The following SPAG16 variants were observed in gnomAD, a reference collection of about 807,000 sequenced individuals.
SPAG16 encodes the protein sperm associated antigen 16.
A neutral mutation model predicts 80.4 loss-of-function variants in SPAG16; 86 were observed. The observed-to-expected ratio is 1.07, with a 90% CI of 0.90 to 1.28. The LOEUF is 1.28. Ranked by LOEUF, SPAG16 falls within the 50% of genes most tolerant of loss-of-function variation. SPAG16 has a pLI of 0.00. For synonymous variants in SPAG16, 294 were observed against 265.9 expected (o/e 1.11, Z -1.03); for missense variants, 870 against 765.3 (o/e 1.14, Z -1.61).
intron 13 of SPAG16, among the ~76,000 whole-genome samples, chr2:214,092,446 T>C (rs2052278342): frequency 6.6e-6 from 1 of 151,668 alleles, no homozygotes; most frequent in African/African-American, 2.4e-5. Flanking sequence ...CATTTATATT[T>C]CCTTTTATGT....
chr2:214,398,481 A>G (rs1269880528), intron 15 of SPAG16, among the ~76,000 whole-genome samples: 1 of 152,216 alleles, frequency 6.6e-6, no homozygotes, highest in Non-Finnish European at 1.5e-5. Flanking sequence ...AGTACTCATC[A>G]GTGCCCTTGA....
At chr2:213,388,368 C>T (rs1158562664) in intron 9 of SPAG16, among the ~76,000 whole-genome samples, 1 of 152,222 alleles carries the variant, frequency 6.6e-6, no homozygotes, top group African/African-American at 2.4e-5. Flanking sequence ...AGGGCCAAGT[C>T]TCCTTTTCCC....
chr2:214,156,289 TA>T (rs2056211924), intron 15 of SPAG16, among the ~76,000 whole-genome samples: 1 of 152,158 alleles, frequency 6.6e-6, no homozygotes, highest in African/African-American at 2.4e-5. Context: ...CACTGCAGTG[TA>T]AATTCCTATT....
At chr2:214,381,174 G>T in intron 15 of SPAG16, among the ~76,000 whole-genome samples, 1 of 152,204 alleles carries the variant, frequency 6.6e-6, no homozygotes, top group East Asian at 1.9e-4. Flanking sequence ...CTTGTACAGA[G>T]AACAGTTCAA....
intron 12 of SPAG16, among the ~76,000 whole-genome samples, chr2:213,930,497 C>T (rs914463431): frequency 7.9e-5 from 12 of 152,138 alleles, no homozygotes; most frequent in Admixed American, 7.2e-4. Flanking sequence ...CTTGTTATTG[C>T]TCTGTACTAT....
chr2:213,346,120 G>A (rs2064970274), intron 6 of SPAG16, among the ~76,000 whole-genome samples: 1 of 152,018 alleles, frequency 6.6e-6, no homozygotes, highest in Non-Finnish European at 1.5e-5. Context: ...TGGATTCCTA[G>A]GTATTTTATT....
At chr2:214,173,191 G>C (rs1327990588) in intron 15 of SPAG16, among the ~76,000 whole-genome samples, 1 of 152,052 alleles carries the variant, frequency 6.6e-6, no homozygotes. Flanking sequence ...GTCCTGAATG[G>C]TAATGCGTAG....
At chr2:213,916,607 A>G (rs908548655) in intron 11 of SPAG16, among the ~76,000 whole-genome samples, 2 of 152,132 alleles carry the variant, frequency 1.3e-5, no homozygotes, top group East Asian at 1.9e-4. Context: ...GACATTCACT[A>G]TCTTGAGAAC....
chr2:214,407,698 T>C (rs1049604496), intron 15 of SPAG16, among the ~76,000 whole-genome samples: 1 of 152,282 alleles, frequency 6.6e-6, no homozygotes, highest in East Asian at 1.9e-4. Flanking sequence ...GACTATGGCA[T>C]TTTTTATTTT....
intron 9 of SPAG16, among the ~76,000 whole-genome samples, chr2:213,436,925 T>A (rs78273709): frequency 6.6e-6 from 1 of 152,026 alleles, no homozygotes; most frequent in Admixed American, 6.6e-5. Context: ...TTTTTTTTTT[T>A]CTTTGAGATG....
chr2:214,069,675 T>C (rs1379570540), intron 13 of SPAG16, among the ~76,000 whole-genome samples: 1 of 152,126 alleles, frequency 6.6e-6, no homozygotes. Flanking sequence ...GAGGTCTCAT[T>C]AGTCTAAGCT....
intron 15 of SPAG16, among the ~76,000 whole-genome samples, chr2:214,285,666 G>A (rs1017841489): frequency 2.0e-5 from 3 of 152,048 alleles, no homozygotes; most frequent in African/African-American, 7.2e-5. Flanking sequence ...AGCTAGATGT[G>A]GTGGTGGGTG....
At chr2:214,018,836 A>G (rs1370733175) in intron 13 of SPAG16, among the ~76,000 whole-genome samples, 2 of 152,162 alleles carry the variant, frequency 1.3e-5, no homozygotes, top group South Asian at 4.1e-4. Flanking sequence ...ACTCTCAAAC[A>G]TATACTCGTT....
intron 10 of SPAG16, among the ~76,000 whole-genome samples, chr2:213,681,924 C>T (rs1279786711): frequency 6.6e-6 from 1 of 152,082 alleles, no homozygotes. Context: ...TTCTCTCTTC[C>T]TTTGAAATAT....
intron 10 of SPAG16, among the ~76,000 whole-genome samples, chr2:213,539,224 C>A (rs751374143): frequency 6.6e-5 from 10 of 152,152 alleles, no homozygotes; most frequent in Non-Finnish European, 1.2e-4. Flanking sequence ...CCAAAATTAT[C>A]CCTGTAGAAT....
intron 9 of SPAG16, 89 bp downstream of exon 9, chr2:213,375,208 G>A: frequency 1.0e-6 from 1 of 973,024 alleles, no homozygotes; most frequent in Non-Finnish European, 1.5e-6. Context: ...TATTTTACCG[G>A]AAAAGGAATT....
chr2:213,453,656 G>T (rs1297846335), intron 9 of SPAG16, among the ~76,000 whole-genome samples: 1 of 152,218 alleles, frequency 6.6e-6, no homozygotes, highest in African/African-American at 2.4e-5. Context: ...AGGCAACAAG[G>T]TAGAATGAAG....
At chr2:214,166,030 A>C (rs1447011073) in intron 15 of SPAG16, among the ~76,000 whole-genome samples, 1 of 152,180 alleles carries the variant, frequency 6.6e-6, no homozygotes. Flanking sequence ...GTCTAAGCAT[A>C]AGTCTTGTTC....
chr2:214,302,468 G>T (rs934903745), intron 15 of SPAG16, among the ~76,000 whole-genome samples: 1 of 152,036 alleles, frequency 6.6e-6, no homozygotes, highest in Non-Finnish European at 1.5e-5. Flanking sequence ...AATAGTATTT[G>T]TTTTGTGAAT....
Sources: allele counts gnomAD v4.1 joint callset (sites outside exome capture counted in the v4.1 genomes callset), GRCh38; gene constraint gnomAD v4.1.1; transcripts MANE v1.5; gene names NCBI Gene and HGNC (gene_info 2026-07-23, HGNC 2026-07-21).